Variants in FGF14 observed in about 807,000 individuals in gnomAD.
FGF14 encodes the protein fibroblast growth factor 14.
In FGF14, 5 loss-of-function variants were observed where a neutral mutation model predicts 25.5. The ratio of observed to expected loss-of-function variants is 0.20; its 90% CI spans 0.10 to 0.41. The LOEUF is 0.41. Ranked by LOEUF, FGF14 falls within the 10% of genes least tolerant of loss-of-function variation. The pLI is 1.00. For missense variants in FGF14, 222 were observed against 320.1 expected (o/e 0.69, Z 2.34); for synonymous variants, 138 against 118.3 (o/e 1.17, Z -1.08).
chr13:101,716,639 T>C lies in FGF14; in HGVS notation c.*6192A>G, dbSNP rs1290225567. 6.6e-6 allele frequency: 1 copy of C among 152,096 alleles called. No individual in the cohort carries two copies. The highest frequency in any genetic ancestry group is 1.5e-5 in the Non-Finnish European group (1 of 68,010). 9.4% of individuals were successfully genotyped at this position (152,096 alleles called of 1,614,324 possible). ...TTTAAAAAGACAATATTGAGTTACA[T>C]ATAAAATGGGCCTGAAGTATGCATC... On this transcript the variant is annotated 3_prime_UTR_variant, in exon 5 of 5. Transcript: ENST00000376143.
intron 3 of FGF14, among the ~76,000 whole-genome samples, chr13:101,750,469 T>C (rs1020734531): frequency 2.0e-5 from 3 of 152,174 alleles, no homozygotes; most frequent in Non-Finnish European, 4.4e-5. Context: ...AACACATATT[T>C]TGAGGAAAGG....
At chr13:101,924,236 T>A (rs1240279616) in intron 1 of FGF14, among the ~76,000 whole-genome samples, 1 of 152,118 alleles carries the variant, frequency 6.6e-6, no homozygotes, top group Non-Finnish European at 1.5e-5. Flanking sequence ...TTTTCATATT[T>A]AGCACTGTAA....
chr13:101,970,364 T>C (rs2037518289), intron 1 of FGF14, among the ~76,000 whole-genome samples: 1 of 152,218 alleles, frequency 6.6e-6, no homozygotes. Flanking sequence ...ACCAAAAACA[T>C]TTTTGAGATT....
At chr13:102,345,595 G>A (rs920162055) in intron 1 of FGF14, among the ~76,000 whole-genome samples, 4 of 152,298 alleles carry the variant, frequency 2.6e-5, no homozygotes, top group South Asian at 2.1e-4. Context: ...ATCTGTTGCC[G>A]TGGGTTGTTC....
intron 1 of FGF14, chr13:102,002,014 G>C (rs2039523971): frequency 6.6e-6 from 1 of 152,142 alleles, no homozygotes; most frequent in Non-Finnish European, 1.5e-5. Flanking sequence ...CCAATTTCAT[G>C]ATTAGGAATG....
At chr13:101,858,756 A>T (rs2044255375) in intron 3 of FGF14, among the ~76,000 whole-genome samples, 1 of 152,164 alleles carries the variant, frequency 6.6e-6, no homozygotes, top group Admixed American at 6.6e-5. Flanking sequence ...GCTGAAAGAA[A>T]ATATAAAACC....
intron 3 of FGF14, among the ~76,000 whole-genome samples, chr13:101,785,567 T>G (rs1199582209): frequency 6.6e-6 from 1 of 152,072 alleles, no homozygotes; most frequent in Admixed American, 6.6e-5. Context: ...AAGTTAAACT[T>G]TAAGTTTAAA....
chr13:102,393,933 G>A (rs183507118), intron 1 of FGF14: 1 of 152,218 alleles, frequency 6.6e-6, no homozygotes, highest in Non-Finnish European at 1.5e-5. Context: ...AACATAGTCC[G>A]GGAGAGATAC....
chr13:102,042,039 T>A (rs1286551683), intron 1 of FGF14, among the ~76,000 whole-genome samples: 1 of 152,180 alleles, frequency 6.6e-6, no homozygotes, highest in Non-Finnish European at 1.5e-5. Context: ...CAAACGAACA[T>A]ACTCAAAGAA....
chr13:102,186,764 A>C (rs896659886), intron 1 of FGF14, among the ~76,000 whole-genome samples: 23 of 152,170 alleles, frequency 1.5e-4, no homozygotes, highest in African/African-American at 5.5e-4. Flanking sequence ...GCACACAGGA[A>C]ACACATGCAC....
chr13:101,723,058 T>C, intron 4 of FGF14, 91 bp from the exon 5 acceptor site: 2 of 1,508,002 alleles, frequency 1.3e-6, no homozygotes, highest in Non-Finnish European at 1.8e-6. Flanking sequence ...CCACTGCAGT[T>C]TGCCCATTTC....
At chr13:101,817,272 C>CT (rs567068121) in intron 3 of FGF14, among the ~76,000 whole-genome samples, 40 of 151,218 alleles carry the variant, frequency 2.6e-4, no homozygotes, top group African/African-American at 5.8e-4. Context: ...CCTCTTTTTC[C>CT]TTTTTTTTTC....
chr13:101,879,341 T>G (rs1193370760), intron 1 of FGF14, among the ~76,000 whole-genome samples: 2 of 152,168 alleles, frequency 1.3e-5, no homozygotes, highest in African/African-American at 4.8e-5. Flanking sequence ...AAAACTAATG[T>G]GCATACATAT....
chr13:102,398,013 A>T (rs1316549806), intron 1 of FGF14, among the ~76,000 whole-genome samples: 2 of 147,152 alleles, frequency 1.4e-5, no homozygotes, highest in African/African-American at 5.0e-5. Context: ...GACATTTAAG[A>T]GTGTGTGTGT....
At position 102,239,572 on chromosome 13, in the gene FGF14, T is replaced by C. The variant is rs375142196; in HGVS notation, c.208+161899A>G. On this transcript the variant is annotated intron_variant, in intron 1 of 4. Coordinates refer to the FGF14 transcript ENST00000376131. ...TGGTGAAACTGCTAAATGGGGAACA[T>C]GCATTTATAGCATTAGCTGCACATG... Among the ~76,000 whole-genome samples, 4 of 152,210 alleles carry C rather than the reference T, an allele frequency of 2.6e-5. No individual in the cohort carries two copies. The East Asian group carries it at 7.7e-4, about 29-fold the overall frequency.
At position 101,798,636 on chromosome 13, in the gene FGF14, C is replaced by G. The variant is rs184183987; in HGVS notation, c.408+70089G>C. On this transcript the variant is annotated intron_variant, in intron 3 of 4. Coordinates refer to ENST00000376143, the MANE Select transcript of FGF14 (RefSeq NM_004115.4). ...GCACATAGGTTAATGAAGAATCTTG[C>G]TATGAATAGGCTAATACAATTTTAA... 7.8e-4 allele frequency among the ~76,000 whole-genome samples: 118 copies of G among 152,204 alleles called. 1 individual carries two copies. Among genetic ancestry groups the G allele is most frequent in the South Asian group, 1.7e-3 (8 of 4,814 alleles).
intron 1 of FGF14, among the ~76,000 whole-genome samples, chr13:102,196,070 T>G (rs1202049750): frequency 6.6e-6 from 1 of 152,186 alleles, no homozygotes; most frequent in Non-Finnish European, 1.5e-5. Flanking sequence ...CTTAATAGAT[T>G]CATCAGGATA....
At chr13:101,783,954 C>CT (rs919573768) in intron 3 of FGF14, among the ~76,000 whole-genome samples, 2 of 152,106 alleles carry the variant, frequency 1.3e-5, no homozygotes, top group Non-Finnish European at 2.9e-5. Flanking sequence ...TTCCCCATTG[C>CT]TTTTTTGTTG....
At chr13:101,733,698 C>T (rs1243718170) in intron 3 of FGF14, among the ~76,000 whole-genome samples, 4 of 151,390 alleles carry the variant, frequency 2.6e-5, no homozygotes, top group Non-Finnish European at 5.9e-5. Context: ...GGAGTCTCGA[C>T]AGCAACTTAT....
Sources: gnomAD v4.1 joint callset for allele counts (sites outside exome capture counted in the v4.1 genomes callset) on GRCh38, gnomAD v4.1.1 for gene constraint, MANE v1.5 for transcripts, NCBI Gene and HGNC (gene_info 2026-07-23, HGNC 2026-07-21) for gene names.